SLC1A3: variants seen among roughly 807,000 people sequenced by gnomAD.
SLC1A3 encodes solute carrier family 1 member 3.
SLC1A3 carries 21 observed loss-of-function variants against 48.1 expected under a neutral mutation model. The ratio of observed to expected loss-of-function variants is 0.44; its 90% confidence interval spans 0.31 to 0.63. The LOEUF is 0.63. Among genes scored for constraint, SLC1A3 ranks in the 20% least tolerant of loss-of-function variants. SLC1A3 has a pLI of 0.08. For synonymous variants in SLC1A3, 239 were observed against 251.4 expected, an observed-to-expected ratio of 0.95 and a Z score of 0.47; for missense variants, 546 against 689.0, an observed-to-expected ratio of 0.79 and a Z score of 2.32.
intron 1 of SLC1A3, 81 bp downstream of exon 1, chr5:36,606,816 A>T (rs1738958960): frequency 6.6e-6 from 1 of 152,350 alleles, no homozygotes; most frequent in Non-Finnish European, 1.5e-5. Context: ...TTCCAAGCAG[A>T]GGAGTAGCCT....
At chr5:36,643,663 C>T (rs2111817562) in intron 3 of SLC1A3, among the ~76,000 whole-genome samples, 1 of 152,292 alleles carries the variant, frequency 6.6e-6, no homozygotes, top group South Asian at 2.1e-4. Context: ...CTGTAGTTAA[C>T]ACCTGCTCTA....
intron 3 of SLC1A3, 137 bp from the exon 4 acceptor site, chr5:36,670,891 GT>G (rs980573379): frequency 2.6e-6 from 2 of 774,424 alleles, no homozygotes; most frequent in Non-Finnish European, 4.4e-6. Flanking sequence ...TTGGGGCCAG[GT>G]TCTCACAACA....
chr5:36,637,062 A>G (rs1740421468), intron 3 of SLC1A3, among the ~76,000 whole-genome samples: 1 of 152,196 alleles, frequency 6.6e-6, no homozygotes, highest in African/African-American at 2.4e-5. Flanking sequence ...CCTAAGCATA[A>G]GCAAAGTGTC....
chr5:36,608,652 G>C, intron 2 of SLC1A3, 48 bp downstream of exon 2: 1 of 1,606,750 alleles, frequency 6.2e-7, no homozygotes, highest in Non-Finnish European at 8.5e-7. Context: ...TGTTTCTCTG[G>C]GGCATCTGGC....
At position 36,648,780 on chromosome 5, in the gene SLC1A3, T is replaced by C. The variant is rs561605415; in HGVS notation, c.319+19193T>C. Among the ~76,000 whole-genome samples the C allele has an allele frequency of 3.9e-5, 6 of 152,240 alleles. No homozygotes were observed. The South Asian group carries it at 1.2e-3, about 32-fold the overall frequency. ...TTCAACTACATACATTGTGAAGACT[T>C]AATGGGGGAAGGTGTAAGATTTTGA... is the stretch of plus-strand genomic sequence containing the variant. On this transcript the variant is annotated intron_variant, in intron 3 of 9. Coordinates refer to ENST00000265113, the MANE Select transcript of SLC1A3 (RefSeq NM_004172.5).
At chr5:36,603,151 A>C (rs548618879), upstream of SLC1A3, among the ~76,000 whole-genome samples, 2 of 152,348 alleles carry the variant, frequency 1.3e-5, no homozygotes, top group East Asian at 3.9e-4. Flanking sequence ...TCAAGTTGTA[A>C]ATTCGGCCCC....
intron 2 of SLC1A3, among the ~76,000 whole-genome samples, chr5:36,626,492 T>C (rs376381854): frequency 6.6e-6 from 1 of 152,254 alleles, no homozygotes; most frequent in Non-Finnish European, 1.5e-5. Flanking sequence ...CTTCAACTGT[T>C]GTTTGCAGAA....
rs554351335 is a variant in SLC1A3, at chr5:36,632,248, G to C, written c.319+2661G>C. On this transcript the variant is annotated intron_variant, in intron 3 of 9. Coordinates refer to ENST00000265113, the MANE Select transcript of SLC1A3 (RefSeq NM_004172.5). ...TATCCAGAAATCTCAAATTTTTTAA[G>C]AACCTGCAGATTCTTTGATACAATT... Among the ~76,000 whole-genome samples the C allele has an allele frequency of 6.6e-5, 10 of 152,264 alleles. No individual in the cohort carries two copies. The South Asian group carries it at 1.0e-3, about 16-fold the overall frequency.
rs115640123 is a variant in SLC1A3, at chr5:36,609,239, G to C, written c.181+635G>C. ...TTTCCATCTCTTACTAATTTAGCAG[G>C]GTTGACAGCAATCTGTACTAATAAA... On this transcript the variant is annotated intron_variant, in intron 2 of 9. Transcript: ENST00000265113. 7.8e-4 allele frequency: 752 copies of C among 959,470 alleles called. 6 individuals are homozygous for C. In the African/African-American group the frequency reaches 0.013, roughly 16 times the overall value. 59.4% of individuals were successfully genotyped at this position (959,470 alleles called of 1,614,324 possible).
At chr5:36,663,240 G>C (rs552013384) in intron 3 of SLC1A3, among the ~76,000 whole-genome samples, 58 of 152,096 alleles carry the variant, frequency 3.8e-4, no homozygotes, top group African/African-American at 1.3e-3. Flanking sequence ...TTTAGAGACG[G>C]AGTCTCGCTC....
intron 3 of SLC1A3, chr5:36,649,243 G>A (rs1325444202): frequency 6.6e-6 from 1 of 150,616 alleles, no homozygotes; most frequent in Non-Finnish European, 1.5e-5. Context: ...AGCTACTCCA[G>A]AGGCTGAGGC....
chr5:36,637,839 C>T (rs952971650), intron 3 of SLC1A3, among the ~76,000 whole-genome samples: 2 of 152,146 alleles, frequency 1.3e-5, no homozygotes, highest in Non-Finnish European at 2.9e-5. Flanking sequence ...AGATTAATTG[C>T]ACTACATAGA....
At chr5:36,650,998 C>G (rs990159217) in intron 3 of SLC1A3, among the ~76,000 whole-genome samples, 1 of 152,102 alleles carries the variant, frequency 6.6e-6, no homozygotes, top group East Asian at 1.9e-4. Context: ...TTCAAGTTAC[C>G]AAGATTTGCA....
intron 7 of SLC1A3, 174 bp from the exon 8 acceptor site, chr5:36,680,221 C>T (rs925471446): frequency 6.1e-5 from 41 of 674,070 alleles, no homozygotes; most frequent in Admixed American, 1.1e-4. Flanking sequence ...CAAATGACCC[C>T]GTGAGGGGAC....
chr5:36,685,490 G>A lies in SLC1A3; in HGVS notation c.1425-575G>A, dbSNP rs188736286. The stretch of plus-strand genomic sequence containing the variant: ...CGGGTTTCACCATGTTGGCCAGGCT[G>A]GTCTCGAACTCCTGACCTCAGGTGA... On this transcript the variant is annotated intron_variant, in intron 9 of 9. Transcript: ENST00000265113. Among the ~76,000 whole-genome samples, 660 of 152,234 alleles carry A rather than the reference G, an allele frequency of 4.3e-3. 6 individuals are homozygous for A. Among genetic ancestry groups the A allele is most frequent in the African/African-American group, 0.015 (630 of 41,522 alleles).
intron 2 of SLC1A3, 67 bp downstream of exon 2, chr5:36,608,671 G>C: frequency 6.3e-7 from 1 of 1,597,642 alleles, no homozygotes. Flanking sequence ...GCTGCCCGGG[G>C]AATATTATCA....
At chr5:36,673,966 T>A (rs1243208400) in intron 4 of SLC1A3, 83 bp from the exon 5 acceptor site, 1 of 1,089,810 alleles carries the variant, frequency 9.2e-7, no homozygotes, top group East Asian at 2.4e-5. Flanking sequence ...ATGCAATCTT[T>A]ACCTTACACA....
intron 9 of SLC1A3, among the ~76,000 whole-genome samples, chr5:36,684,735 C>A (rs1742577433): frequency 6.6e-6 from 1 of 152,172 alleles, no homozygotes; most frequent in Non-Finnish European, 1.5e-5. Flanking sequence ...ATGAAAAGAG[C>A]TTGACAGTGT....
intron 1 of SLC1A3, among the ~76,000 whole-genome samples, chr5:36,601,278 T>A (rs567481964): frequency 1.6e-3 from 246 of 152,300 alleles, no homozygotes; most frequent in African/African-American, 5.8e-3. Context: ...TACTGTATTA[T>A]GTTTGTGTTT....
Sources: allele counts gnomAD v4.1 joint callset (sites outside exome capture counted in the v4.1 genomes callset), GRCh38; gene constraint gnomAD v4.1.1; transcripts MANE v1.5; gene names NCBI Gene and HGNC (gene_info 2026-07-23, HGNC 2026-07-21).